The following TNIK variants were observed in gnomAD, a reference collection of about 807,000 sequenced individuals.
TNIK encodes TRAF2 and NCK-interacting protein kinase.
TNIK carries 49 observed loss-of-function variants against 191.3 expected under a neutral mutation model. The observed-to-expected ratio is 0.26, with a 90% CI of 0.20 to 0.32. The LOEUF is 0.32. Ranked by LOEUF, TNIK falls within the 10% of genes least tolerant of loss-of-function variation. TNIK has a pLI of 1.00. For missense variants in TNIK, 1,155 were observed against 1,702.3 expected (o/e 0.68, Z 5.66); for synonymous variants, 594 against 600.9 (o/e 0.99, Z 0.17).
At chr3:171,308,184 G>A (rs1437648056) in intron 2 of TNIK, among the ~76,000 whole-genome samples, 1 of 152,126 alleles carries the variant, frequency 6.6e-6, no homozygotes, top group Admixed American at 6.6e-5. Context: ...ATACTACAGT[G>A]CTATAGTAAC....
chr3:171,307,905 C>T (rs1294882031), intron 2 of TNIK, among the ~76,000 whole-genome samples: 2 of 152,084 alleles, frequency 1.3e-5, no homozygotes, highest in South Asian at 2.1e-4. Context: ...CACGAGATGA[C>T]GTTATCACTC....
intron 2 of TNIK, among the ~76,000 whole-genome samples, chr3:171,359,538 G>A (rs954236209): frequency 3.3e-5 from 5 of 152,080 alleles, no homozygotes; most frequent in Admixed American, 6.6e-5. Flanking sequence ...TGAGCAACAG[G>A]ACCAAGATCC....
rs1730666629 is a variant in TNIK at position 171,140,491 on chromosome 3, C to G, written c.1240G>C (p.Glu414Gln). ...TCCCTCTCCTGCTGCTTCCGCAGCTCCTTCTCTCGCCTTTGTTGCTGTGGG... is the reference window on the plus strand; with the variant it reads ...TCCCTCTCCTGCTGCTTCCGCAGCTGCTTCTCTCGCCTTTGTTGCTGTGGG... ...RLEEQQRREK[E>Q]LRKQQEREQR... The change falls in exon 13 of 33, where the codon GAG (glutamate) becomes CAG (glutamine). Residue 414 changes from glutamate (E) to glutamine (Q), a missense_variant. This residue lies in a region of TNIK where 735 missense variants were observed against 848.0 expected (regional missense o/e 0.87). Coordinates refer to ENST00000436636, the MANE Select transcript of TNIK (RefSeq NM_015028.4). 6.2e-7 allele frequency: 1 copy of G among 1,613,386 alleles called. No homozygotes were observed. The highest frequency in any genetic ancestry group is 1.7e-5 in the Admixed American group (1 of 59,992).
In TNIK at chr3:171,460,189, C is replaced by A; in HGVS notation, c.-126G>T. 1.6e-5 allele frequency: 19 copies of A among 1,179,702 alleles called. No individual in the cohort carries two copies. Among genetic ancestry groups the A allele is most frequent in the Non-Finnish European group, 2.3e-5 (19 of 831,656 alleles). 73.1% of individuals were successfully genotyped at this position (1,179,702 alleles called of 1,614,324 possible). On this transcript the variant is annotated 5_prime_UTR_variant, in exon 1 of 33. Coordinates refer to ENST00000436636, the MANE Select transcript of TNIK (RefSeq NM_015028.4). The surrounding 1 kb of genome is among the most constrained non-coding windows in gnomAD (Gnocchi z 6.8). ...GCGCCAGAGGCCCCGGGCCCAGCCT[C>A]CCCCGCCCACCCCAGCCCCACAGCG...
At chr3:171,312,996 G>T (rs574447486) in intron 2 of TNIK, among the ~76,000 whole-genome samples, 10 of 151,980 alleles carry the variant, frequency 6.6e-5, no homozygotes, top group African/African-American at 2.2e-4. Context: ...CGTGGATCTC[G>T]CATCCTCCCA....
intron 1 of TNIK, among the ~76,000 whole-genome samples, chr3:171,410,655 T>G (rs1165095520): frequency 6.6e-6 from 1 of 151,804 alleles, no homozygotes; most frequent in Non-Finnish European, 1.5e-5. Flanking sequence ...GGCAGGAGCC[T>G]GTAGTCCCAG....
At chr3:171,109,203 C>T (rs540541828) in intron 19 of TNIK, among the ~76,000 whole-genome samples, 2 of 152,304 alleles carry the variant, frequency 1.3e-5, no homozygotes, top group South Asian at 2.1e-4. Flanking sequence ...GCTCTGTCAC[C>T]TAGGCTGGAG....
At chr3:171,134,909 AAG>A (rs1387459351) in intron 15 of TNIK, among the ~76,000 whole-genome samples, 33 of 152,210 alleles carry the variant, frequency 2.2e-4, no homozygotes, top group African/African-American at 7.2e-4. Flanking sequence ...AGCAAAGAAG[AAG>A]AAAAAAAAAC....
chr3:171,253,129 A>G (rs1746428986), intron 2 of TNIK, among the ~76,000 whole-genome samples: 1 of 151,674 alleles, frequency 6.6e-6, no homozygotes, highest in Non-Finnish European at 1.5e-5. Context: ...ACCAAAAAAA[A>G]AAAAATTAGC....
intron 21 of TNIK, among the ~76,000 whole-genome samples, chr3:171,102,336 G>A (rs1157680576): frequency 1.3e-5 from 2 of 152,122 alleles, no homozygotes; most frequent in East Asian, 1.9e-4. Context: ...AGAAATCCTG[G>A]TGAAGAACAC....
intron 7 of TNIK, among the ~76,000 whole-genome samples, chr3:171,180,713 A>G (rs1487174943): frequency 6.6e-6 from 1 of 152,214 alleles, no homozygotes; most frequent in Non-Finnish European, 1.5e-5. Flanking sequence ...AGAGCAACTT[A>G]GCAGCTGGTT....
chr3:171,353,419 ATGT>A (rs759578209), intron 2 of TNIK, among the ~76,000 whole-genome samples: 21 of 152,146 alleles, frequency 1.4e-4, no homozygotes, highest in Non-Finnish European at 5.9e-5. Flanking sequence ...TTACTTTATG[ATGT>A]TGCGGAAGCC....
chr3:171,342,127 T>C (rs570172872), intron 2 of TNIK, among the ~76,000 whole-genome samples: 57 of 152,222 alleles, frequency 3.7e-4, no homozygotes, highest in Non-Finnish European at 2.6e-4. Context: ...GAAGACTAGA[T>C]CTGAAACTAT....
At chr3:171,422,265 A>G (rs1723907101) in intron 1 of TNIK, among the ~76,000 whole-genome samples, 1 of 152,136 alleles carries the variant, frequency 6.6e-6, no homozygotes, top group Non-Finnish European at 1.5e-5. Context: ...GGAAATGTTA[A>G]GTAAAATATA....
chr3:171,094,279 C>T (rs553651790), intron 22 of TNIK, among the ~76,000 whole-genome samples: 5 of 152,002 alleles, frequency 3.3e-5, no homozygotes, highest in Admixed American at 2.0e-4. Context: ...GGACTACAGG[C>T]GCCCACCACC....
chr3:171,450,009 C>T (rs996276298), intron 1 of TNIK, among the ~76,000 whole-genome samples: 1 of 151,820 alleles, frequency 6.6e-6, no homozygotes, highest in Non-Finnish European at 1.5e-5. Context: ...GCACTCCAGC[C>T]TGGGTGATGA....
chr3:171,333,281 C>T (rs1232726065), intron 2 of TNIK, among the ~76,000 whole-genome samples: 2 of 151,918 alleles, frequency 1.3e-5, no homozygotes, highest in Non-Finnish European at 2.9e-5. Flanking sequence ...ACAGGCCGGG[C>T]GCAGTGGTTC....
At chr3:171,119,907 C>G (rs1158180008) in intron 18 of TNIK, among the ~76,000 whole-genome samples, 1 of 152,134 alleles carries the variant, frequency 6.6e-6, no homozygotes, top group Non-Finnish European at 1.5e-5. Flanking sequence ...TGTAACAAAC[C>G]TGCACGTTGT....
At chr3:171,183,607 A>T (rs1444175259) in intron 7 of TNIK, among the ~76,000 whole-genome samples, 2 of 152,150 alleles carry the variant, frequency 1.3e-5, no homozygotes, top group African/African-American at 2.4e-5. Context: ...GAACCGTATG[A>T]AACTGTTGCC....
Sources: gnomAD v4.1 joint callset for allele counts (sites outside exome capture counted in the v4.1 genomes callset) on GRCh38, gnomAD v4.1.1 for gene constraint, gnomAD v4.1.1 regional missense constraint, Gnocchi (gnomAD v3.1) non-coding constraint, MANE v1.5 for transcripts, NCBI Gene and HGNC (gene_info 2026-07-23, HGNC 2026-07-21) for gene names.